Variants in PHLDB3 observed in about 807,000 individuals in gnomAD.
PHLDB3 encodes the protein pleckstrin homology-like domain family B member 3.
Under a neutral mutation model 85.7 loss-of-function variants are expected in PHLDB3, and 86 were observed. That is an observed-to-expected ratio of 1.00 (90% confidence interval 0.84 to 1.20). The LOEUF is 1.20. Among genes scored for constraint, PHLDB3 ranks in the 50% most tolerant of loss-of-function variants. PHLDB3 has a pLI of 0.00. For synonymous variants in PHLDB3, 376 were observed against 349.8 expected, an observed-to-expected ratio of 1.07 and a Z score of -0.83; for missense variants, 995 against 873.0, an observed-to-expected ratio of 1.14 and a Z score of -1.76.
chr19:43,504,063 C>T lies in PHLDB3; in HGVS notation c.56G>A (p.Cys19Tyr). ...GCCCTGGGGCTGGACCTCCACGTCG[C>T]ATTCCGGGACCAGCGGCGGCGGGGT... ...EGTPPPLVPECDVEVQPQGHP... is the reference protein window; with the variant it reads ...EGTPPPLVPEYDVEVQPQGHP... The change falls in exon 2 of 16, where the codon TGC becomes TAC. Residue 19 changes from cysteine (C) to tyrosine (Y), a missense_variant. By Grantham distance (194) the Cys-to-Tyr change is radical (BLOSUM62 -2). Transcript: ENST00000292140. The T allele has an allele frequency of 6.2e-7, 1 of 1,613,558 alleles. No individual in the cohort carries two copies. The highest frequency in any genetic ancestry group is 8.5e-7 in the Non-Finnish European group (1 of 1,179,694).
chr19:43,491,953 T>G (rs967663777), intron 9 of PHLDB3, among the ~76,000 whole-genome samples: 6 of 138,758 alleles, frequency 4.3e-5, no homozygotes, highest in Non-Finnish European at 9.3e-5. Context: ...CCGTTTTTTT[T>G]TTTTTGTTTT....
intron 9 of PHLDB3, among the ~76,000 whole-genome samples, chr19:43,493,280 G>GAATA (rs57954351): frequency 0.11 from 14,831 of 133,692 alleles, 1,176 homozygotes; most frequent in African/African-American, 0.22. Flanking sequence ...CTCTGTCTCA[G>GAATA]AATAAATAAA....
intron 9 of PHLDB3, among the ~76,000 whole-genome samples, chr19:43,494,389 G>A (rs1422703317): frequency 1.5e-5 from 2 of 133,806 alleles, no homozygotes; most frequent in African/African-American, 2.8e-5. Flanking sequence ...CAAAACACAA[G>A]TAGCTGCGTT....
intron 15 of PHLDB3, 140 bp downstream of exon 15, chr19:43,477,907 G>A (rs540371351): frequency 1.8e-6 from 1 of 541,666 alleles, no homozygotes; most frequent in African/African-American, 1.9e-5. Context: ...TGTTTTCTCT[G>A]CGACAAACAC....
intron 3 of PHLDB3, 43 bp downstream of exon 3, chr19:43,502,058 G>A (rs1213340329): frequency 7.8e-6 from 12 of 1,539,598 alleles, no homozygotes; most frequent in Non-Finnish European, 1.1e-5. Flanking sequence ...TGCGGGTTCC[G>A]CTTGAGTTGG....
chr19:43,475,318 A>C lies in PHLDB3; in HGVS notation c.*92T>G, dbSNP rs1555752239. On this transcript the variant is annotated 3_prime_UTR_variant, in exon 16 of 16. Coordinates refer to ENST00000292140, the MANE Select transcript of PHLDB3 (RefSeq NM_198850.4). ...GGAGAGTTCCAAAGCGGTGCGTCCA[A>C]GTTTTCCGGCAGTGGGCGGGGCCTA... 4 of 1,509,376 alleles carry C rather than the reference A, an allele frequency of 2.7e-6. No homozygotes were observed. Among genetic ancestry groups the C allele is most frequent in the Non-Finnish European group, 2.7e-6 (3 of 1,117,612 alleles). The allele number at this position is 1,509,376 out of a possible 1,614,324, so 93.5% of individuals were successfully genotyped here. A position where few individuals can be genotyped will look rare whatever the true frequency, so the allele number is the denominator to read the frequency against.
In PHLDB3 at chr19:43,483,506, G is replaced by A. The variant is rs541299369; in HGVS notation, c.1485+2760C>T. ...GTTGCCCAGGCTGTTCTCCAGCTCCGGGACTCAAGTGATCCTCCCACCTCG... is the reference window on the plus strand; with the variant it reads ...GTTGCCCAGGCTGTTCTCCAGCTCCAGGACTCAAGTGATCCTCCCACCTCG... On this transcript the variant is annotated intron_variant, in intron 13 of 15. Transcript: ENST00000292140. Among the ~76,000 whole-genome samples, 21 of 152,126 alleles carry A rather than the reference G, an allele frequency of 1.4e-4. No homozygotes were observed. In the South Asian group the frequency reaches 2.9e-3, roughly 21 times the overall value.
At chr19:43,494,667 G>C (rs762147800) in intron 9 of PHLDB3, 35 bp downstream of exon 9, 14 of 1,514,200 alleles carry the variant, frequency 9.2e-6, no homozygotes, top group African/African-American at 2.7e-5. Context: ...TGACCAATAA[G>C]ATATATGGGG....
intron 9 of PHLDB3, among the ~76,000 whole-genome samples, chr19:43,489,272 T>C (rs1783793818): frequency 6.6e-6 from 1 of 151,284 alleles, no homozygotes; most frequent in African/African-American, 2.4e-5. Flanking sequence ...GAGGCTGAGG[T>C]GGGAGGATCA....
intron 6 of PHLDB3, 192 bp from the exon 7 acceptor site, chr19:43,495,812 T>G: frequency 1.4e-6 from 1 of 690,286 alleles, no homozygotes; most frequent in Non-Finnish European, 2.3e-6. Context: ...AGAAGAGATC[T>G]GGGGAAGATG....
Position 43,497,127 on chromosome 19 carries a change from C to T in PHLDB3, c.816G>A (p.Ala272=), listed in dbSNP as rs143470924. Residue 272 remains alanine, a synonymous_variant, in exon 6 of 16, where the codon GCG becomes GCA. Coordinates refer to ENST00000292140, the MANE Select transcript of PHLDB3 (RefSeq NM_198850.4). ...PKVQELQASM[A]QHRRGALQHR... Reference sequence around the variant, plus strand: ...GTCAGGCATGACTCACTCTGTGCTGCGCCATGCTGGCCTGGAGTTCCTGGA... The same window carrying T: ...GTCAGGCATGACTCACTCTGTGCTGTGCCATGCTGGCCTGGAGTTCCTGGA... 3.8e-5 allele frequency: 59 copies of T among 1,533,126 alleles called. No individual in the cohort carries two copies. In the African/African-American group the frequency reaches 7.0e-4, roughly 18 times the overall value. The allele number at this position is 1,533,126 out of a possible 1,614,324, so 95.0% of individuals were successfully genotyped here. A position where few individuals can be genotyped will look rare whatever the true frequency, so the allele number is the denominator to read the frequency against.
At chr19:43,477,092 A>ACGAC (rs1970942747) in intron 15 of PHLDB3, among the ~76,000 whole-genome samples, 1 of 152,130 alleles carries the variant, frequency 6.6e-6, no homozygotes, top group Admixed American at 6.5e-5. Flanking sequence ...GGCATGAGCC[A>ACGAC]CGACGCCTGG....
rs779256345 is a variant in PHLDB3, at chr19:43,479,560, G to A, written c.1519C>T (p.Arg507Ter). The A allele has an allele frequency of 2.3e-5, 35 of 1,548,524 alleles. No homozygotes were observed. The highest frequency in any genetic ancestry group is 2.0e-4 in the East Asian group (8 of 40,860). ...AGATGCTGCCGGAGATCCAAGATTC[G>A]CGGGCCTGGAGGGTGGGGTGGGGTG... Reference protein sequence around the residue: ...PPTPPHPPGPRILDLRQHLEG... With the variant: ...PPTPPHPPGP The change falls in exon 14 of 16, where the codon CGA becomes TGA. Residue 507 changes from arginine to a stop codon, truncating the protein, a stop_gained. Coordinates refer to ENST00000292140, the MANE Select transcript of PHLDB3 (RefSeq NM_198850.4). LOFTEE classifies it high-confidence loss of function.
At chr19:43,502,902 G>A (rs1161878300) in intron 2 of PHLDB3, among the ~76,000 whole-genome samples, 1 of 151,992 alleles carries the variant, frequency 6.6e-6, no homozygotes, top group Non-Finnish European at 1.5e-5. Flanking sequence ...TTCTCTATCA[G>A]GTCCTATTCT....
At chr19:43,495,197 G>C in intron 8 of PHLDB3, 59 bp downstream of exon 8, 2 of 1,510,928 alleles carry the variant, frequency 1.3e-6, no homozygotes, top group Non-Finnish European at 1.8e-6. Context: ...GGAGGGGCTG[G>C]GGACTGGACT....
Position 43,497,205 on chromosome 19 carries a change from C to A in PHLDB3, c.738G>T (p.Arg246=), listed in dbSNP as rs141926083. 2 of 1,555,136 alleles carry A rather than the reference C, an allele frequency of 1.3e-6. No homozygotes were observed. Among genetic ancestry groups the A allele is most frequent in the African/African-American group, 1.4e-5 (1 of 71,506 alleles). ...LEFQQLERES[R]QEEEDRDSPG... ...GGCTGTCCCGATCCTCCTCCTCCTG[C>A]CGGCTCTCCCGCTCCAGTTGCTGGA... The change falls in exon 6 of 16, where the codon CGG becomes CGT. Residue 246 remains arginine, a synonymous_variant. Transcript: ENST00000292140.
At chr19:43,503,794 T>A in intron 2 of PHLDB3, 112 bp downstream of exon 2, 2 of 1,255,720 alleles carry the variant, frequency 1.6e-6, no homozygotes, top group Non-Finnish European at 2.2e-6. Flanking sequence ...TCTCTCTCCC[T>A]GTCTCCGGGT....
chr19:43,493,927 C>A (rs1971379579), intron 9 of PHLDB3, among the ~76,000 whole-genome samples: 2 of 152,002 alleles, frequency 1.3e-5, no homozygotes. Flanking sequence ...GTTGAGCATC[C>A]CTAACCTAAA....
At chr19:43,501,690 C>T (rs757784514) in intron 4 of PHLDB3, 44 bp downstream of exon 4, 1 of 1,566,450 alleles carries the variant, frequency 6.4e-7, no homozygotes, top group South Asian at 1.2e-5. Flanking sequence ...CATCCATGGA[C>T]CAGGAAGGAC....
Sources: allele counts gnomAD v4.1 joint callset (sites outside exome capture counted in the v4.1 genomes callset), GRCh38; gene constraint gnomAD v4.1.1; transcripts MANE v1.5; gene names NCBI Gene and HGNC (gene_info 2026-07-23, HGNC 2026-07-21).